The following CACNG2 variants were observed in gnomAD, a reference collection of about 807,000 sequenced individuals.
CACNG2 encodes calcium voltage-gated channel auxiliary subunit gamma 2, also known as voltage-dependent calcium channel gamma-2 subunit.
A neutral mutation model predicts 25.9 loss-of-function variants in CACNG2; 3 were observed. The ratio of observed to expected loss-of-function variants is 0.12; its 90% CI spans 0.05 to 0.30. The LOEUF (loss-of-function observed/expected upper bound fraction) is 0.30. Among genes scored for constraint, CACNG2 ranks in the 10% least tolerant of loss-of-function variants. The pLI, the probability that CACNG2 is intolerant of heterozygous loss-of-function variation, is 1.00. For synonymous variants in CACNG2, 167 were observed against 173.3 expected, an observed-to-expected ratio of 0.96 and a Z score of 0.29; for missense variants, 341 against 432.5, an observed-to-expected ratio of 0.79 and a Z score of 1.88.
chr22:36,600,452 A>AAC (rs1021477199), intron 1 of CACNG2, among the ~76,000 whole-genome samples: 9 of 18,414 alleles, frequency 4.9e-4, no homozygotes, highest in African/African-American at 7.3e-4. Context: ...CAAAAAAACA[A>AAC]AAAAAAAAAT....
intron 1 of CACNG2, among the ~76,000 whole-genome samples, chr22:36,617,414 A>C (rs1936038928): frequency 1.3e-5 from 2 of 152,052 alleles, no homozygotes; most frequent in Admixed American, 1.3e-4. Flanking sequence ...ATTTGCTCAG[A>C]GGAGGGAACT....
chr22:36,695,242 GA>G (rs1377043485), intron 1 of CACNG2, among the ~76,000 whole-genome samples: 1 of 151,576 alleles, frequency 6.6e-6, no homozygotes, highest in Non-Finnish European at 1.5e-5. Flanking sequence ...AGAAAGGAAG[GA>G]AAAAAAGGAA....
In CACNG2 at chr22:36,677,177, T is replaced by A. The variant is rs577620590; in HGVS notation, c.211+25189A>T. Among the ~76,000 whole-genome samples, 20 of 152,266 alleles carry A rather than the reference T, an allele frequency of 1.3e-4. 1 individual carries two copies. The highest frequency in any genetic ancestry group is 4.8e-4 in the African/African-American group (20 of 41,564). On this transcript the variant is annotated intron_variant, in intron 1 of 3. Transcript: ENST00000300105. ...AATTGCAGAGGGAACGACTCCCTTT[T>A]TGTCCCCCTCTCTCTTCATTTCCTG...
intron 1 of CACNG2, among the ~76,000 whole-genome samples, chr22:36,660,809 C>G (rs137971106): frequency 1.6e-4 from 25 of 152,386 alleles, no homozygotes; most frequent in African/African-American, 6.0e-4. Flanking sequence ...CCAGTCCTCA[C>G]TCACAACCTA....
intron 1 of CACNG2, among the ~76,000 whole-genome samples, chr22:36,686,827 T>A (rs1937206576): frequency 6.6e-6 from 1 of 152,212 alleles, no homozygotes; most frequent in Non-Finnish European, 1.5e-5. Flanking sequence ...TTGGACTAGA[T>A]GAGCCCTGTG....
chr22:36,566,266 C>T, intron 3 of CACNG2, 87 bp downstream of exon 3: 1 of 1,317,390 alleles, frequency 7.6e-7, no homozygotes, highest in South Asian at 1.2e-5. Context: ...CCTCTCTCCC[C>T]ATCTCTCTCT....
At chr22:36,685,977 G>A (rs191875562) in intron 1 of CACNG2, among the ~76,000 whole-genome samples, 23 of 152,278 alleles carry the variant, frequency 1.5e-4, no homozygotes, top group African/African-American at 5.1e-4. Flanking sequence ...CCGGACAGCC[G>A]GTCACAGAGG....
At chr22:36,638,027 A>G (rs1936383997) in intron 1 of CACNG2, among the ~76,000 whole-genome samples, 1 of 152,088 alleles carries the variant, frequency 6.6e-6, no homozygotes, top group Non-Finnish European at 1.5e-5. Context: ...ATCTCAAAAA[A>G]AAAAAAAGAA....
At chr22:36,677,808 G>A (rs1320840284) in intron 1 of CACNG2, among the ~76,000 whole-genome samples, 2 of 152,218 alleles carry the variant, frequency 1.3e-5, no homozygotes, top group Admixed American at 6.5e-5. Context: ...CAGCAGACAA[G>A]GTTGTGAATT....
At chr22:36,679,962 C>T (rs1285816890) in intron 1 of CACNG2, among the ~76,000 whole-genome samples, 1 of 152,150 alleles carries the variant, frequency 6.6e-6, no homozygotes, top group South Asian at 2.1e-4. Flanking sequence ...TCACCACCTG[C>T]ATCACAATCA....
chr22:36,581,371 C>A (rs887316338), intron 2 of CACNG2, among the ~76,000 whole-genome samples: 7 of 152,162 alleles, frequency 4.6e-5, no homozygotes, highest in Non-Finnish European at 8.8e-5. Context: ...TTCATTCATT[C>A]ATTCGTCCAT....
In CACNG2 at chr22:36,655,272, T is replaced by C. The variant is rs1210673596; in HGVS notation, c.211+47094A>G. Among the ~76,000 whole-genome samples, 3 of 152,238 alleles carry C rather than the reference T, an allele frequency of 2.0e-5. No individual in the cohort carries two copies. In the East Asian group the frequency reaches 5.8e-4, roughly 29 times the overall value. The stretch of plus-strand genomic sequence containing the variant: ...AGACAAATGTAGCCTACTGGGCTTA[T>C]GGCAAAATAGTTTCTATAAGGAGAA... On this transcript the variant is annotated intron_variant, in intron 1 of 3. Transcript: ENST00000300105.
At chr22:36,669,146 C>A (rs936472967) in intron 1 of CACNG2, among the ~76,000 whole-genome samples, 28 of 152,042 alleles carry the variant, frequency 1.8e-4, no homozygotes, top group African/African-American at 6.0e-4. Flanking sequence ...TGCCTGCCTG[C>A]GTCAGTTCTG....
At chr22:36,594,800 G>A (rs1293854619) in intron 1 of CACNG2, among the ~76,000 whole-genome samples, 1 of 147,634 alleles carries the variant, frequency 6.8e-6, no homozygotes, top group African/African-American at 2.5e-5. Context: ...TGTGTCTTGT[G>A]TGCATGGATG....
chr22:36,606,521 T>C lies in CACNG2; in HGVS notation c.212-18973A>G, dbSNP rs971729389. ...TGCACTGTTACAGCACAGTACAGGATGCTGGGTAGTAGGGACAGTGCATGG... is the reference window on the plus strand; with the variant it reads ...TGCACTGTTACAGCACAGTACAGGACGCTGGGTAGTAGGGACAGTGCATGG... On this transcript the variant is annotated intron_variant, in intron 1 of 3. Transcript: ENST00000300105. This position sits in a 1 kb window ranked among gnomAD's most constrained non-coding sequence, Gnocchi z 5.7. Among the ~76,000 whole-genome samples the C allele has an allele frequency of 1.1e-4, 17 of 151,974 alleles. No individual in the cohort carries two copies. Among genetic ancestry groups the C allele is most frequent in the South Asian group, 2.1e-4 (1 of 4,810 alleles).
At chr22:36,695,700 T>C (rs967712064) in intron 1 of CACNG2, among the ~76,000 whole-genome samples, 1 of 152,136 alleles carries the variant, frequency 6.6e-6, no homozygotes, top group East Asian at 1.9e-4. Flanking sequence ...AGAATCCCAG[T>C]ATTATGAGCT....
chr22:36,568,262 G>A (rs1935161307), intron 2 of CACNG2, among the ~76,000 whole-genome samples: 1 of 152,196 alleles, frequency 6.6e-6, no homozygotes, highest in South Asian at 2.1e-4. Flanking sequence ...TTTTGGAGGG[G>A]AATGTGCCAG....
intron 1 of CACNG2, among the ~76,000 whole-genome samples, chr22:36,673,151 AG>A (rs1378747744): frequency 6.6e-6 from 1 of 152,232 alleles, no homozygotes; most frequent in Non-Finnish European, 1.5e-5. Context: ...ACTTGAACCC[AG>A]GAAGTGGAGG....
chr22:36,680,591 A>T (rs1379265926), intron 1 of CACNG2, among the ~76,000 whole-genome samples: 1 of 146,426 alleles, frequency 6.8e-6, no homozygotes, highest in African/African-American at 2.6e-5. Context: ...GATCACCACC[A>T]CCTGCATCAT....
Sources: allele counts gnomAD v4.1 joint callset (sites outside exome capture counted in the v4.1 genomes callset), GRCh38; gene constraint gnomAD v4.1.1; non-coding constraint Gnocchi (gnomAD v3.1); transcripts MANE v1.5; gene names NCBI Gene and HGNC (gene_info 2026-07-23, HGNC 2026-07-21).